The following CHCHD3 variants were observed in gnomAD, a reference collection of about 807,000 sequenced individuals.
CHCHD3 encodes MICOS complex subunit MIC19.
CHCHD3 carries 20 observed loss-of-function variants against 38.2 expected under a neutral mutation model. The observed-to-expected ratio is 0.52, with a 90% CI of 0.37 to 0.76. CHCHD3 has a LOEUF of 0.76. Ranked by LOEUF, CHCHD3 falls within the 30% of genes least tolerant of loss-of-function variation. The pLI is 0.00. For missense variants in CHCHD3, 245 were observed against 279.2 expected (o/e 0.88, Z 0.87); for synonymous variants, 82 against 100.0 (o/e 0.82, Z 1.07).
intron 4 of CHCHD3, among the ~76,000 whole-genome samples, chr7:132,940,654 T>C (rs1810743240): frequency 8.5e-5 from 13 of 152,184 alleles, no homozygotes; most frequent in Admixed American, 8.5e-4. Context: ...TCAGCAGTCA[T>C]TTTTTCCACT....
chr7:133,006,496 A>AAATAAATAAAT (rs763770783), intron 3 of CHCHD3, among the ~76,000 whole-genome samples: 84 of 115,842 alleles, frequency 7.3e-4, no homozygotes, highest in Admixed American at 1.6e-3. Context: ...AATAAATAAA[A>AAATAAATAAAT]AAATAAATAA....
chr7:132,906,307 T>C (rs928449707), intron 4 of CHCHD3, among the ~76,000 whole-genome samples: 2 of 152,210 alleles, frequency 1.3e-5, no homozygotes, highest in African/African-American at 4.8e-5. Flanking sequence ...AGTAAACAAT[T>C]AGTGCTTTTT....
At chr7:132,819,868 G>A (rs866210654) in intron 6 of CHCHD3, among the ~76,000 whole-genome samples, 2 of 152,218 alleles carry the variant, frequency 1.3e-5, no homozygotes, top group Non-Finnish European at 1.5e-5. Context: ...GGGCCAAAGC[G>A]TGAGTGCGGA....
At chr7:133,080,033 G>T (rs150520263) in intron 1 of CHCHD3, among the ~76,000 whole-genome samples, 2 of 152,312 alleles carry the variant, frequency 1.3e-5, no homozygotes, top group Admixed American at 1.3e-4. Flanking sequence ...TTTTGCAGAT[G>T]GGAAAACTGA....
intron 3 of CHCHD3, among the ~76,000 whole-genome samples, chr7:132,997,433 A>ATAT (rs1812448637): frequency 6.6e-6 from 1 of 152,168 alleles, no homozygotes; most frequent in South Asian, 2.1e-4. Flanking sequence ...CTCATAAGCT[A>ATAT]TATTACTGTC....
At chr7:132,880,981 CTAAG>C (rs1256846754) in intron 5 of CHCHD3, among the ~76,000 whole-genome samples, 3 of 152,154 alleles carry the variant, frequency 2.0e-5, no homozygotes, top group Non-Finnish European at 4.4e-5. Context: ...TTAATACTCT[CTAAG>C]TATCTTTCAA....
intron 4 of CHCHD3, among the ~76,000 whole-genome samples, chr7:132,934,337 A>G (rs764330786): frequency 3.3e-5 from 5 of 152,152 alleles, no homozygotes; most frequent in Admixed American, 6.5e-5. Context: ...TGAAAATCCT[A>G]TCGTGGTCCT....
intron 6 of CHCHD3, among the ~76,000 whole-genome samples, chr7:132,834,743 C>T (rs1029181119): frequency 3.3e-5 from 5 of 152,098 alleles, no homozygotes; most frequent in African/African-American, 1.2e-4. Flanking sequence ...ACCTGCTGCC[C>T]TCCTGGTATC....
chr7:132,901,188 T>C (rs1451962088), intron 4 of CHCHD3, among the ~76,000 whole-genome samples: 1 of 152,184 alleles, frequency 6.6e-6, no homozygotes, highest in Admixed American at 6.5e-5. Context: ...TCAGCCTCTG[T>C]ACAAAGCCTC....
chr7:132,966,311 C>T (rs1002402870), intron 4 of CHCHD3, among the ~76,000 whole-genome samples: 13 of 152,150 alleles, frequency 8.5e-5, no homozygotes, highest in African/African-American at 2.9e-4. Flanking sequence ...TGTCCAATGT[C>T]TTTATGGGTA....
chr7:132,793,350 C>T (rs1200346407), intron 7 of CHCHD3, among the ~76,000 whole-genome samples: 2 of 152,192 alleles, frequency 1.3e-5, no homozygotes, highest in Non-Finnish European at 2.9e-5. Context: ...ATGTATCAAT[C>T]GATGTGCTCC....
At chr7:132,839,346 T>C (rs1277442604) in intron 5 of CHCHD3, among the ~76,000 whole-genome samples, 1 of 152,124 alleles carries the variant, frequency 6.6e-6, no homozygotes, top group Non-Finnish European at 1.5e-5. Context: ...TGAACAGGAA[T>C]GGACACATAA....
intron 2 of CHCHD3, among the ~76,000 whole-genome samples, chr7:133,063,214 T>TA (rs1174420705): frequency 6.6e-6 from 1 of 152,174 alleles, no homozygotes; most frequent in Admixed American, 6.5e-5. Flanking sequence ...ATGAATCAAG[T>TA]AGCACAGAGA....
chr7:132,928,998 C>T lies in CHCHD3; in HGVS notation c.370-43253G>A, dbSNP rs139251289. On this transcript the variant is annotated intron_variant, in intron 4 of 7. Coordinates refer to ENST00000262570, the MANE Select transcript of CHCHD3 (RefSeq NM_017812.4). ...TCCTTCTCTTGCCATTGGCTTCTTT[C>T]CCTCGACTCTCAAACATATTAATAC... 6.5e-3 allele frequency among the ~76,000 whole-genome samples: 991 copies of T among 152,240 alleles called. 10 individuals are homozygous for T. Among genetic ancestry groups the T allele is most frequent in the African/African-American group, 0.022 (919 of 41,532 alleles).
At chr7:132,880,556 T>C (rs1031130298) in intron 5 of CHCHD3, among the ~76,000 whole-genome samples, 1 of 152,172 alleles carries the variant, frequency 6.6e-6, no homozygotes, top group Non-Finnish European at 1.5e-5. Flanking sequence ...AACTTCATAG[T>C]ATAAGCTTAG....
At chr7:132,879,315 C>T (rs1345399053) in intron 5 of CHCHD3, among the ~76,000 whole-genome samples, 1 of 152,108 alleles carries the variant, frequency 6.6e-6, no homozygotes, top group Non-Finnish European at 1.5e-5. Flanking sequence ...CACTGGGTTA[C>T]TCAACATTGT....
intron 4 of CHCHD3, among the ~76,000 whole-genome samples, chr7:132,922,441 C>T (rs936940910): frequency 1.3e-5 from 2 of 152,140 alleles, no homozygotes; most frequent in Non-Finnish European, 2.9e-5. Context: ...TTAAAAACTG[C>T]CAGTATCCCA....
intron 1 of CHCHD3, among the ~76,000 whole-genome samples, chr7:133,080,927 T>A (rs1035317327): frequency 3.3e-5 from 5 of 152,166 alleles, no homozygotes; most frequent in African/African-American, 9.7e-5. Context: ...ATTATAAAAC[T>A]TTCTGAAGTC....
chr7:132,907,107 A>G (rs1809820071), intron 4 of CHCHD3, among the ~76,000 whole-genome samples: 1 of 152,380 alleles, frequency 6.6e-6, no homozygotes, highest in East Asian at 1.9e-4. Context: ...AACTTAATAT[A>G]TCTATTCATT....
Sources: gnomAD v4.1 joint callset for allele counts (sites outside exome capture counted in the v4.1 genomes callset) on GRCh38, gnomAD v4.1.1 for gene constraint, MANE v1.5 for transcripts, NCBI Gene and HGNC (gene_info 2026-07-23, HGNC 2026-07-21) for gene names.